CCSER1: variants seen among roughly 807,000 people sequenced by gnomAD.
CCSER1 encodes serine-rich coiled-coil domain-containing protein 1.
CCSER1 carries 41 observed loss-of-function variants against 82.0 expected under a neutral mutation model. The ratio of observed to expected loss-of-function variants is 0.50; its 90% confidence interval spans 0.39 to 0.65. CCSER1 has a LOEUF of 0.65. CCSER1 is among the 30% of genes least tolerant of loss of function. The probability of loss-of-function intolerance (pLI) is 0.00; values close to 1 mark genes in which losing one functional copy is unlikely to be tolerated. For missense variants in CCSER1, 1,119 were observed against 1,064.2 expected, an observed-to-expected ratio of 1.05 and a Z score of -0.72; for synonymous variants, 414 against 383.9, an observed-to-expected ratio of 1.08 and a Z score of -0.92.
intron 9 of CCSER1, among the ~76,000 whole-genome samples, chr4:91,037,633 A>G (rs2150570080): frequency 6.6e-6 from 1 of 152,082 alleles, no homozygotes; most frequent in East Asian, 1.9e-4. Context: ...ATTTTAACCT[A>G]TTTCAACATT....
chr4:90,958,830 C>T (rs1300656880), intron 9 of CCSER1, among the ~76,000 whole-genome samples: 1 of 152,100 alleles, frequency 6.6e-6, no homozygotes, highest in East Asian at 1.9e-4. Context: ...TTGTTTAAGC[C>T]ACCCAGACTA....
intron 10 of CCSER1, among the ~76,000 whole-genome samples, chr4:91,162,068 G>T (rs1304272426): frequency 6.6e-6 from 1 of 152,042 alleles, no homozygotes; most frequent in Non-Finnish European, 1.5e-5. Context: ...TTGGCTGTGG[G>T]TTTGTCATAA....
chr4:91,159,371 GC>G (rs1731146014), intron 10 of CCSER1, among the ~76,000 whole-genome samples: 1 of 151,836 alleles, frequency 6.6e-6, no homozygotes. Context: ...ATTGACACTT[GC>G]CTTACTCTCC....
chr4:91,408,941 G>A (rs1176972515), intron 10 of CCSER1, among the ~76,000 whole-genome samples: 1 of 152,086 alleles, frequency 6.6e-6, no homozygotes, highest in Admixed American at 6.5e-5. Context: ...ATACCCTCAG[G>A]TCAGACCTGG....
At chr4:91,146,580 CT>C (rs1553901648) in intron 10 of CCSER1, among the ~76,000 whole-genome samples, 3 of 149,466 alleles carry the variant, frequency 2.0e-5, no homozygotes, top group African/African-American at 2.5e-5. Context: ...TTATCTTCTT[CT>C]TTTTTTTTTG....
intron 7 of CCSER1, among the ~76,000 whole-genome samples, chr4:90,733,832 G>C (rs1032660617): frequency 6.6e-6 from 1 of 151,982 alleles, no homozygotes; most frequent in Non-Finnish European, 1.5e-5. Context: ...TGAGTTTTCT[G>C]TATATGTATA....
intron 7 of CCSER1, among the ~76,000 whole-genome samples, chr4:90,750,348 C>A (rs372328944): frequency 6.6e-6 from 1 of 152,196 alleles, no homozygotes; most frequent in East Asian, 1.9e-4. Flanking sequence ...CTGCTAGGGA[C>A]GGAAGGAGAA....
intron 4 of CCSER1, among the ~76,000 whole-genome samples, chr4:90,418,175 T>C (rs1374589301): frequency 6.6e-6 from 1 of 152,064 alleles, no homozygotes; most frequent in Non-Finnish European, 1.5e-5. Flanking sequence ...ATAAATTTGA[T>C]GGAGAAACAA....
chr4:90,209,986 C>A (rs1216248141), intron 1 of CCSER1, among the ~76,000 whole-genome samples: 1 of 151,920 alleles, frequency 6.6e-6, no homozygotes, highest in African/African-American at 2.4e-5. Context: ...ATTTCTGAAG[C>A]CTTTCTCTCT....
intron 5 of CCSER1, among the ~76,000 whole-genome samples, chr4:90,554,192 T>C (rs1777853233): frequency 6.6e-6 from 1 of 151,772 alleles, no homozygotes. Flanking sequence ...AGACTCTGCC[T>C]TTACAAAAAA....
intron 1 of CCSER1, among the ~76,000 whole-genome samples, chr4:90,176,406 C>G (rs183891976): frequency 1.2e-3 from 176 of 152,088 alleles, no homozygotes; most frequent in Non-Finnish European, 1.9e-3. Context: ...AAGGACAGAC[C>G]ATGGCTTGTC....
chr4:90,304,590 T>G (rs573557855), intron 1 of CCSER1, among the ~76,000 whole-genome samples: 2 of 152,150 alleles, frequency 1.3e-5, no homozygotes, highest in East Asian at 1.9e-4. Flanking sequence ...TAGATGGGAA[T>G]TGAACAATGA....
intron 5 of CCSER1, among the ~76,000 whole-genome samples, chr4:90,552,100 G>C (rs1427545470): frequency 1.3e-5 from 2 of 152,138 alleles, no homozygotes; most frequent in East Asian, 3.9e-4. Flanking sequence ...TCACAAGGGA[G>C]GAGAGCTCAT....
At chr4:90,198,410 A>G (rs1737007333) in intron 1 of CCSER1, among the ~76,000 whole-genome samples, 1 of 152,192 alleles carries the variant, frequency 6.6e-6, no homozygotes, top group African/African-American at 2.4e-5. Flanking sequence ...GACACCAAAT[A>G]TACATTTCTT....
intron 8 of CCSER1, among the ~76,000 whole-genome samples, chr4:90,823,949 ATTTCT>A (rs1397964637): frequency 6.6e-6 from 1 of 151,792 alleles, no homozygotes; most frequent in East Asian, 1.9e-4. Context: ...AACTAGCTTC[ATTTCT>A]TTTCTGGCCA....
intron 4 of CCSER1, among the ~76,000 whole-genome samples, chr4:90,420,449 G>C (rs1436754115): frequency 6.6e-6 from 1 of 152,130 alleles, no homozygotes; most frequent in East Asian, 1.9e-4. Context: ...GTAATAAAGA[G>C]ATGACTCTTA....
In CCSER1 at chr4:91,603,746, G is replaced by T. The variant is rs1463472660; in HGVS notation, c.*4689G>T. On this transcript the variant is annotated 3_prime_UTR_variant, in exon 11 of 11. Coordinates refer to ENST00000509176, the MANE Select transcript of CCSER1 (RefSeq NM_001145065.2). ...GCTATAACAAAATACCATGGACTGG[G>T]TGACTAAACAACAGTCACTTGTGTC... 2.6e-5 allele frequency: 4 copies of T among 151,982 alleles called. No homozygotes were observed. Among genetic ancestry groups the T allele is most frequent in the Admixed American group, 2.6e-4 (4 of 15,232 alleles). The allele number at this position is 151,982 out of a possible 1,614,324, so 9.4% of individuals were successfully genotyped here.
intron 10 of CCSER1, among the ~76,000 whole-genome samples, chr4:91,558,229 CA>C (rs1287275696): frequency 6.6e-6 from 1 of 150,996 alleles, no homozygotes; most frequent in Admixed American, 6.6e-5. Context: ...TTCATTGATC[CA>C]AAAAACAAAA....
intron 5 of CCSER1, among the ~76,000 whole-genome samples, chr4:90,514,209 A>G (rs996734435): frequency 6.6e-6 from 1 of 152,084 alleles, no homozygotes; most frequent in Non-Finnish European, 1.5e-5. Context: ...ATTTGACGAG[A>G]TTAAGCTCTG....
Sources: gnomAD v4.1 joint callset for allele counts (sites outside exome capture counted in the v4.1 genomes callset) on GRCh38, gnomAD v4.1.1 for gene constraint, MANE v1.5 for transcripts, NCBI Gene and HGNC (gene_info 2026-07-23, HGNC 2026-07-21) for gene names.